C1GALT1: variants seen among roughly 807,000 people sequenced by gnomAD.
C1GALT1 encodes the protein core 1 synthase, glycoprotein-N-acetylgalactosamine 3-beta-galactosyltransferase 1, also known as glycoprotein-N-acetylgalactosamine 3-beta-galactosyltransferase 1.
C1GALT1 carries 11 observed loss-of-function variants against 31.0 expected under a neutral mutation model. That is an observed-to-expected ratio of 0.36 (90% confidence interval 0.22 to 0.59). The LOEUF is 0.59. Ranked by LOEUF, C1GALT1 falls within the 20% of genes least tolerant of loss-of-function variation. C1GALT1 has a pLI of 0.79. For synonymous variants in C1GALT1, 175 were observed against 143.6 expected (o/e 1.22, Z -1.56); for missense variants, 424 against 425.2 (o/e 1.00, Z 0.03).
chr7:7,163,772 C>A (rs1255273416), intron 2 of C1GALT1, among the ~76,000 whole-genome samples: 1 of 152,076 alleles, frequency 6.6e-6, no homozygotes, highest in Non-Finnish European at 1.5e-5. Context: ...ACGTGAAGGA[C>A]CTCCTCAAGG....
At chr7:7,229,831 T>A (rs1247616736) in intron 1 of C1GALT1, among the ~76,000 whole-genome samples, 2 of 152,196 alleles carry the variant, frequency 1.3e-5, no homozygotes, top group African/African-American at 4.8e-5. Flanking sequence ...AACTTGTTTC[T>A]GGTTTTCCTG....
chr7:7,221,415 GTTGT>G (rs1410457998), intron 1 of C1GALT1, among the ~76,000 whole-genome samples: 2 of 152,196 alleles, frequency 1.3e-5, no homozygotes, highest in Admixed American at 6.5e-5. Flanking sequence ...ATGGTGGTAT[GTTGT>G]TTGTTTTTAA....
At chr7:7,181,952 T>C (rs1430273406), upstream of C1GALT1, among the ~76,000 whole-genome samples, 1 of 152,182 alleles carries the variant, frequency 6.6e-6, no homozygotes, top group African/African-American at 2.4e-5. Flanking sequence ...TAAGAAGCTC[T>C]TCCGGCCATT....
chr7:7,170,807 T>C (rs1007146860), intron 2 of C1GALT1, among the ~76,000 whole-genome samples: 3 of 152,176 alleles, frequency 2.0e-5, no homozygotes, highest in East Asian at 1.9e-4. Flanking sequence ...AAACATCTTA[T>C]GTTTTAATAT....
rs1259745152 is a variant in C1GALT1, at chr7:7,245,904, T to C, written c.*2177T>C. The C allele has an allele frequency of 1.3e-5, 2 of 152,216 alleles. No individual in the cohort carries two copies. Among genetic ancestry groups the C allele is most frequent in the Non-Finnish European group, 2.9e-5 (2 of 68,028 alleles). The allele number at this position is 152,216 out of a possible 1,614,324, so 9.4% of individuals were successfully genotyped here. On this transcript the variant is annotated 3_prime_UTR_variant, in exon 4 of 4. Coordinates refer to ENST00000436587, the MANE Select transcript of C1GALT1 (RefSeq NM_020156.5). Reference sequence around the variant, plus strand: ...CTCTCTGTGTCTCAATTTCCTCATCTTTTAATTAGGGATGATAATACTACC... The same window carrying C: ...CTCTCTGTGTCTCAATTTCCTCATCCTTTAATTAGGGATGATAATACTACC...
chr7:7,182,884 C>G (rs190820704), intron 1 of C1GALT1, 64 bp downstream of exon 1: 12 of 978,100 alleles, frequency 1.2e-5, no homozygotes, highest in South Asian at 4.7e-5. Context: ...CGCCCTCCCC[C>G]CTCTCCGGGT....
At chr7:7,239,621 C>T (rs1195603462) in intron 3 of C1GALT1, among the ~76,000 whole-genome samples, 1 of 152,122 alleles carries the variant, frequency 6.6e-6, no homozygotes, top group African/African-American at 2.4e-5. Flanking sequence ...TAGTACAGCC[C>T]TTCACACAGT....
In C1GALT1 at chr7:7,234,533, C is replaced by G; in HGVS notation, c.214C>G (p.His72Asp). ...GAACTTCAATGCAGATTCTAGCCAACATAAAGGTATGGTTTACTTTATTAA... is the reference window on the plus strand; with the variant it reads ...GAACTTCAATGCAGATTCTAGCCAAGATAAAGGTATGGTTTACTTTATTAA... ...QMNFNADSSQ[H>D]KDENTDIAEN... Residue 72 changes from histidine to aspartate, a missense_variant, in exon 2 of 4, where the codon CAT (histidine) becomes GAT (aspartate). Around this residue, in one of 3 missense-constraint regions of C1GALT1, gnomAD observed 189 missense variants for 158.2 expected, o/e 1.19. Coordinates refer to ENST00000436587, the MANE Select transcript of C1GALT1 (RefSeq NM_020156.5). 6.2e-7 allele frequency: 1 copy of G among 1,605,356 alleles called. No individual in the cohort carries two copies. The highest frequency in any genetic ancestry group is 8.5e-7 in the Non-Finnish European group (1 of 1,172,228).
intron 1 of C1GALT1, among the ~76,000 whole-genome samples, chr7:7,223,803 T>C (rs563743365): frequency 2.6e-5 from 4 of 151,232 alleles, no homozygotes; most frequent in African/African-American, 9.7e-5. Flanking sequence ...CAGTACTATA[T>C]TGAGTAAGAG....
At chr7:7,189,642 T>G (rs949620486) in intron 1 of C1GALT1, among the ~76,000 whole-genome samples, 1 of 152,180 alleles carries the variant, frequency 6.6e-6, no homozygotes, top group Non-Finnish European at 1.5e-5. Flanking sequence ...TAAAAAAATA[T>G]ATTTCATAAA....
rs1417514497 is a variant in C1GALT1, at chr7:7,243,764, C to A, written c.*37C>A. ...GAATGAACAAAGGTAATATGTCTAG[C>A]ACTGCACTGAAAAAGGACTTCTGCA... On this transcript the variant is annotated 3_prime_UTR_variant, in exon 4 of 4. Transcript: ENST00000436587. The A allele has an allele frequency of 4.2e-6, 6 of 1,437,170 alleles. No individual in the cohort carries two copies. The highest frequency in any genetic ancestry group is 5.7e-6 in the Non-Finnish European group (6 of 1,061,000). 89.0% of individuals were successfully genotyped at this position (1,437,170 alleles called of 1,614,324 possible). A position where few individuals can be genotyped will look rare whatever the true frequency, so the allele number is the denominator to read the frequency against.
intron 1 of C1GALT1, among the ~76,000 whole-genome samples, chr7:7,217,312 C>G (rs911343936): frequency 6.6e-6 from 1 of 151,866 alleles, no homozygotes; most frequent in African/African-American, 2.4e-5. Context: ...AGCCGGGGAG[C>G]TGAGGGGGTG....
At position 7,247,119 on chromosome 7, in the gene C1GALT1, A is replaced by G. The variant is rs1783879378; in HGVS notation, c.*3392A>G. 1.3e-5 allele frequency: 2 copies of G among 152,178 alleles called. No homozygotes were observed. Among genetic ancestry groups the G allele is most frequent in the Non-Finnish European group, 2.9e-5 (2 of 68,002 alleles). 9.4% of individuals were successfully genotyped at this position (152,178 alleles called of 1,614,324 possible). The stretch of plus-strand genomic sequence containing the variant: ...AAAAAAAATTAAATTGAAGTAGTAA[A>G]TGCTGTTTTATAACATACATTTTTC... On this transcript the variant is annotated 3_prime_UTR_variant, in exon 4 of 4. Coordinates refer to ENST00000436587, the MANE Select transcript of C1GALT1 (RefSeq NM_020156.5).
chr7:7,178,404 A>G (rs1233927856), upstream of C1GALT1: 1 of 209,506 alleles, frequency 4.8e-6, no homozygotes, highest in African/African-American at 2.3e-5. Flanking sequence ...TTATGAGTCA[A>G]TCTGTAATTT....
chr7:7,227,456 C>G (rs921247498), intron 1 of C1GALT1, among the ~76,000 whole-genome samples: 1 of 152,148 alleles, frequency 6.6e-6, no homozygotes, highest in Non-Finnish European at 1.5e-5. Context: ...CGCGGTGGCT[C>G]ACGCCTGTAA....
intron 1 of C1GALT1, among the ~76,000 whole-genome samples, chr7:7,190,949 TAC>T: frequency 6.6e-6 from 1 of 152,244 alleles, no homozygotes; most frequent in Non-Finnish European, 1.5e-5. Flanking sequence ...TTATCATTGA[TAC>T]CTTTTTTTTT....
At chr7:7,210,815 C>T (rs1430425232) in intron 1 of C1GALT1, among the ~76,000 whole-genome samples, 2 of 152,132 alleles carry the variant, frequency 1.3e-5, no homozygotes, top group Non-Finnish European at 2.9e-5. Context: ...TTCTAATGGC[C>T]TAAATTTGCA....
chr7:7,226,537 G>A (rs539844463), intron 1 of C1GALT1, among the ~76,000 whole-genome samples: 2 of 152,222 alleles, frequency 1.3e-5, no homozygotes, highest in Admixed American at 1.3e-4. Flanking sequence ...AAGAGAAGAG[G>A]TTAAAGGCTG....
intron 1 of C1GALT1, among the ~76,000 whole-genome samples, chr7:7,204,124 T>G (rs1384701252): frequency 6.6e-6 from 1 of 151,460 alleles, no homozygotes. Flanking sequence ...TTTTTGTTTT[T>G]TTTTTTGGAA....
Sources: gnomAD v4.1 joint callset for allele counts (sites outside exome capture counted in the v4.1 genomes callset) on GRCh38, gnomAD v4.1.1 for gene constraint, gnomAD v4.1.1 regional missense constraint, MANE v1.5 for transcripts, NCBI Gene and HGNC (gene_info 2026-07-23, HGNC 2026-07-21) for gene names.